Variants in SOS2 observed in about 807,000 individuals in gnomAD.
The protein encoded by SOS2 is SOS Ras/Rho guanine nucleotide exchange factor 2, also known as son of sevenless homolog 2.
Under a neutral mutation model 148.2 loss-of-function variants are expected in SOS2, and 65 were observed. That is an observed-to-expected ratio of 0.44 (90% CI 0.36 to 0.54). The LOEUF (loss-of-function observed/expected upper bound fraction) is 0.54, where lower values mean the gene tolerates loss of function less well. Among genes scored for constraint, SOS2 ranks in the 20% least tolerant of loss-of-function variants. The probability of loss-of-function intolerance (pLI) is 0.00; values close to 1 mark genes in which losing one functional copy is unlikely to be tolerated. For missense variants in SOS2, 1,341 were observed against 1,590.2 expected (o/e 0.84, Z 2.67); for synonymous variants, 539 against 537.1 (o/e 1.00, Z -0.05).
At chr14:50,155,397 T>A (rs1884780680) in intron 12 of SOS2, among the ~76,000 whole-genome samples, 1 of 152,118 alleles carries the variant, frequency 6.6e-6, no homozygotes, top group Admixed American at 6.6e-5. Context: ...CAGCACACCA[T>A]TCTCATTTCT....
intron 21 of SOS2, among the ~76,000 whole-genome samples, chr14:50,125,565 G>A (rs899185097): frequency 6.7e-6 from 1 of 149,804 alleles, no homozygotes; most frequent in African/African-American, 2.5e-5. Flanking sequence ...ATTCATGAAG[G>A]TAGATTATAA....
At chr14:50,217,244 C>G (rs1887062623) in intron 1 of SOS2, among the ~76,000 whole-genome samples, 1 of 152,020 alleles carries the variant, frequency 6.6e-6, no homozygotes, top group Admixed American at 6.6e-5. Flanking sequence ...GACAGAACAA[C>G]CAGATATCCA....
In SOS2 at chr14:50,160,923, A is replaced by G. The variant is rs562759901; in HGVS notation, c.1196+559T>C. On this transcript the variant is annotated intron_variant, in intron 9 of 22. Coordinates refer to ENST00000216373, the MANE Select transcript of SOS2 (RefSeq NM_006939.4). ...TACTCCAGAGGGTTGAGGCAGGAGG[A>G]CTGCTTGAGCCCAGGAGGTTGAGGC... Among the ~76,000 whole-genome samples the G allele has an allele frequency of 9.2e-5, 14 of 152,210 alleles. No homozygotes were observed. The South Asian group carries it at 2.3e-3, about 25-fold the overall frequency.
At chr14:50,212,268 G>T (rs1886896824) in intron 1 of SOS2, among the ~76,000 whole-genome samples, 1 of 152,240 alleles carries the variant, frequency 6.6e-6, no homozygotes, top group African/African-American at 2.4e-5. Context: ...AAGGTCAAGA[G>T]ATCGAGACCA....
chr14:50,195,002 A>G lies in SOS2; in HGVS notation c.510+4689T>C, dbSNP rs200049077. ...AGTATCTAAAATGCTGAATGACAGA[A>G]TTCAATTTTTAAAATATCTACATAT... On this transcript the variant is annotated intron_variant, in intron 4 of 22. Coordinates refer to ENST00000216373, the MANE Select transcript of SOS2 (RefSeq NM_006939.4). Among the ~76,000 whole-genome samples the G allele has an allele frequency of 2.7e-4, 41 of 152,064 alleles. No individual in the cohort carries two copies. In the East Asian group the frequency reaches 7.8e-3, roughly 29 times the overall value.
At chr14:50,158,780 TCATGGTACTGGCAGGATAC>T in intron 10 of SOS2, 134 bp from the exon 11 acceptor site, 1 of 620,258 alleles carries the variant, frequency 1.6e-6, no homozygotes, top group South Asian at 2.0e-5. Flanking sequence ...TTCCTAACAA[TCATGGTACTGGCAGGATAC>T]CATGGTATCC....
chr14:50,178,675 T>TGC (rs1885614657), intron 7 of SOS2, among the ~76,000 whole-genome samples: 1 of 2,628 alleles, frequency 3.8e-4, no homozygotes, highest in Non-Finnish European at 1.1e-3. Flanking sequence ...TGTGTGCATA[T>TGC]ATATATATAT....
chr14:50,118,631 G>A lies in SOS2; in HGVS notation c.3712C>T (p.Pro1238Ser). Residue 1238 changes from proline to serine, a missense_variant, in exon 23 of 23, where the codon CCA (proline) becomes TCA (serine). By Grantham distance (74) the Pro-to-Ser change is moderately conservative (BLOSUM62 -1). This residue lies in a region of SOS2 where 354 missense variants were observed against 347.7 expected (regional missense o/e 1.02). Coordinates refer to ENST00000216373, the MANE Select transcript of SOS2 (RefSeq NM_006939.4). ...GAATCTCTGTGAAGATGCCCCAGTG[G>A]AGGTGGCTGAAGATTAAATGGACAG... is the stretch of plus-strand genomic sequence containing the variant. ...INCPFNLQPP[P>S]LGHLHRDSDW... The A allele has an allele frequency of 6.2e-7, 1 of 1,614,094 alleles. No homozygotes were observed. The highest frequency in any genetic ancestry group is 8.5e-7 in the Non-Finnish European group (1 of 1,180,008).
At chr14:50,138,520 G>T in intron 18 of SOS2, 92 bp downstream of exon 18, 1 of 563,460 alleles carries the variant, frequency 1.8e-6, no homozygotes, top group Non-Finnish European at 3.0e-6. Flanking sequence ...ACCCTGTTGT[G>T]CGATCCAATA....
intron 1 of SOS2, among the ~76,000 whole-genome samples, chr14:50,228,153 T>C (rs1043681702): frequency 6.6e-5 from 10 of 151,922 alleles, no homozygotes; most frequent in Non-Finnish European, 1.5e-4. Flanking sequence ...GTGATTCTCC[T>C]GCCTCAGCCT....
In SOS2 at chr14:50,161,561, G is replaced by C; in HGVS notation, c.1117C>G (p.Gln373Glu). The change falls in exon 9 of 23, where the codon CAA becomes GAA. Residue 373 changes from glutamine to glutamate, a missense_variant. By Grantham distance (29) the Gln-to-Glu change is conservative. Coordinates refer to ENST00000216373, the MANE Select transcript of SOS2 (RefSeq NM_006939.4). ...EEQEDRECLN[Q>E]AITALMNLQG... ...AGATTCATGAGAGCAGTAATAGCTT[G>C]GTTCAAACATTCTCTGTCTTCTTGT... The C allele has an allele frequency of 1.2e-6, 2 of 1,611,960 alleles. No homozygotes were observed. Among genetic ancestry groups the C allele is most frequent in the Non-Finnish European group, 1.7e-6 (2 of 1,178,304 alleles).
At chr14:50,191,811 T>A (rs1886148944) in intron 4 of SOS2, among the ~76,000 whole-genome samples, 1 of 152,160 alleles carries the variant, frequency 6.6e-6, no homozygotes, top group South Asian at 2.1e-4. Flanking sequence ...GGGATTTACA[T>A]TTTTATGTAA....
intron 4 of SOS2, among the ~76,000 whole-genome samples, chr14:50,198,074 A>G (rs1028674257): frequency 1.3e-5 from 2 of 151,310 alleles, no homozygotes; most frequent in African/African-American, 2.4e-5. Flanking sequence ...AATACATGAC[A>G]CATAAACAAT....
chr14:50,157,102 C>A lies in SOS2; in HGVS notation c.1954G>T (p.Glu652Ter). The A allele has an allele frequency of 6.2e-7, 1 of 1,611,838 alleles. No homozygotes were observed. The highest frequency in any genetic ancestry group is 8.5e-7 in the Non-Finnish European group (1 of 1,178,610). The change falls in exon 12 of 23, where the codon GAA becomes TAA. Residue 652 changes from glutamate to a stop codon, truncating the protein, a stop_gained. Coordinates refer to ENST00000216373, the MANE Select transcript of SOS2 (RefSeq NM_006939.4). LOFTEE classifies it high-confidence loss of function. ...LIERFEIPEP[E>*]PTDADKLAIE... is the part of the protein sequence containing the mutation. ...GCCAATTTGTCTGCGTCAGTAGGTT[C>A]TGGCTCTGGAATTTCAAACCTAAGA...
chr14:50,208,600 T>C (rs1350003401), intron 1 of SOS2, among the ~76,000 whole-genome samples: 1 of 151,840 alleles, frequency 6.6e-6, no homozygotes, highest in South Asian at 2.1e-4. Context: ...TGAGCTGAGA[T>C]CATGCCACCG....
intron 11 of SOS2, among the ~76,000 whole-genome samples, chr14:50,158,147 G>C (rs775473976): frequency 6.6e-6 from 1 of 151,722 alleles, no homozygotes; most frequent in Non-Finnish European, 1.5e-5. Context: ...TTATATTCTT[G>C]TATCTGCTCT....
At chr14:50,137,198 AT>A in intron 18 of SOS2, among the ~76,000 whole-genome samples, 1 of 152,290 alleles carries the variant, frequency 6.6e-6, no homozygotes, top group South Asian at 2.1e-4. Flanking sequence ...GTTGTTTCAT[AT>A]TTTATAGTAC....
chr14:50,138,896 T>G (rs1472583024), intron 17 of SOS2, 112 bp from the exon 18 acceptor site: 1 of 420,782 alleles, frequency 2.4e-6, no homozygotes, highest in Non-Finnish European at 4.1e-6. Flanking sequence ...CCTATACTAT[T>G]CAGCAACTCT....
chr14:50,180,848 AAAAG>A (rs1195321846), intron 6 of SOS2, among the ~76,000 whole-genome samples, 166 bp from the exon 7 acceptor site: 2 of 152,164 alleles, frequency 1.3e-5, no homozygotes, highest in African/African-American at 2.4e-5. Context: ...GTCTCAAAAG[AAAAG>A]AAAGAAATGA....
Sources: allele counts gnomAD v4.1 joint callset (sites outside exome capture counted in the v4.1 genomes callset), GRCh38; gene constraint gnomAD v4.1.1; regional missense constraint gnomAD v4.1.1; transcripts MANE v1.5; gene names NCBI Gene and HGNC (gene_info 2026-07-23, HGNC 2026-07-21).